The following FSHR variants were observed in gnomAD, a reference collection of about 807,000 sequenced individuals.
FSHR encodes the protein follicle stimulating hormone receptor.
In FSHR, 46 loss-of-function variants were observed where a neutral mutation model predicts 52.1. That is an observed-to-expected ratio of 0.88 (90% CI 0.70 to 1.13). FSHR has a LOEUF of 1.13. FSHR is among the 50% of genes most tolerant of loss of function. The pLI is 0.00. For synonymous variants in FSHR, 399 were observed against 309.6 expected (o/e 1.29, Z -3.03); for missense variants, 964 against 834.6 (o/e 1.16, Z -1.91).
intron 2 of FSHR, among the ~76,000 whole-genome samples, chr2:49,053,565 T>C (rs1332685451): frequency 1.3e-5 from 2 of 152,146 alleles, no homozygotes; most frequent in East Asian, 3.8e-4. Flanking sequence ...ATTTCTTTTT[T>C]CCCCCCACAA....
chr2:48,979,923 C>G (rs921787422), intron 8 of FSHR, among the ~76,000 whole-genome samples: 1 of 152,198 alleles, frequency 6.6e-6, no homozygotes, highest in Non-Finnish European at 1.5e-5. Flanking sequence ...TACTCCTACT[C>G]TTACCTCTTA....
chr2:49,149,327 C>A (rs1672979831), intron 1 of FSHR, among the ~76,000 whole-genome samples: 1 of 152,012 alleles, frequency 6.6e-6, no homozygotes, highest in Admixed American at 6.6e-5. Flanking sequence ...CATGAGAACA[C>A]AGCACACTTT....
intron 4 of FSHR, among the ~76,000 whole-genome samples, chr2:49,011,477 G>T (rs1559133124): frequency 1.3e-5 from 2 of 152,082 alleles, no homozygotes; most frequent in African/African-American, 2.4e-5. Context: ...AATAGGTGTG[G>T]TGTGGTGCTG....
At position 48,962,758 on chromosome 2, in the gene FSHR, G is replaced by A. The variant is rs1440241703; in HGVS notation, c.2063C>T (p.Pro688Leu). ...VTSGSTYILV[P>L]LSHLAQN is the part of the protein sequence containing the mutation. ...TTAGTTTTGGGCTAAATGACTTAGA[G>A]GGACAAGTATGTAAGTGGAACCACT... The change falls in exon 10 of 10, where the codon CCT (proline) becomes CTT (leucine). Residue 688 changes from proline to leucine, a missense_variant. Transcript: ENST00000406846. 1 of 1,613,888 alleles carries A rather than the reference G, an allele frequency of 6.2e-7. No individual in the cohort carries two copies. Among genetic ancestry groups the A allele is most frequent in the Admixed American group, 1.7e-5 (1 of 60,002 alleles).
At chr2:48,965,981 T>C (rs979946268) in intron 9 of FSHR, among the ~76,000 whole-genome samples, 1 of 152,176 alleles carries the variant, frequency 6.6e-6, no homozygotes, top group Non-Finnish European at 1.5e-5. Flanking sequence ...AGTGAACAGA[T>C]GCTTGGGGGT....
In FSHR at chr2:49,074,750, A is replaced by G. The variant is rs190038112; in HGVS notation, c.153-6460T>C. ...ATGTTTTTATTGCAGCACTACTCCA[A>G]TAGCTAAGGTATGGAATCAACCTAG... On this transcript the variant is annotated intron_variant, in intron 1 of 9. Coordinates refer to ENST00000406846, the MANE Select transcript of FSHR (RefSeq NM_000145.4). Among the ~76,000 whole-genome samples, 11 of 151,706 alleles carry G rather than the reference A, an allele frequency of 7.3e-5. No homozygotes were observed. The East Asian group carries it at 1.9e-3, about 27-fold the overall frequency.
intron 2 of FSHR, among the ~76,000 whole-genome samples, chr2:49,033,947 A>G (rs1403544266): frequency 6.6e-6 from 1 of 152,198 alleles, no homozygotes; most frequent in East Asian, 1.9e-4. Context: ...CAGGCTGGAT[A>G]TCAATGGGCT....
At chr2:48,993,397 GCTT>G (rs1315050221) in intron 4 of FSHR, among the ~76,000 whole-genome samples, 1 of 152,020 alleles carries the variant, frequency 6.6e-6, no homozygotes, top group Non-Finnish European at 1.5e-5. Context: ...AGTTGGCTTG[GCTT>G]CTTCTTTCTC....
rs1404003524 is a variant in FSHR, at chr2:48,962,674, C to A, written c.*59G>T. The A allele has an allele frequency of 2.0e-6, 3 of 1,525,950 alleles. No homozygotes were observed. Among genetic ancestry groups the A allele is most frequent in the African/African-American group, 2.7e-5 (2 of 73,056 alleles). 94.5% of individuals were successfully genotyped at this position (1,525,950 alleles called of 1,614,324 possible). A position where few individuals can be genotyped will look rare whatever the true frequency, so the allele number is the denominator to read the frequency against. ...AGCACTGTCAGCTCTTTGTGACATACCCTTCAAAGGCAAGACTGAATTATC... is the reference window on the plus strand; with the variant it reads ...AGCACTGTCAGCTCTTTGTGACATAACCTTCAAAGGCAAGACTGAATTATC... On this transcript the variant is annotated 3_prime_UTR_variant, in exon 10 of 10. Coordinates refer to ENST00000406846, the MANE Select transcript of FSHR (RefSeq NM_000145.4).
chr2:48,970,235 C>T (rs1048771198), intron 8 of FSHR, among the ~76,000 whole-genome samples: 7 of 152,110 alleles, frequency 4.6e-5, no homozygotes, highest in African/African-American at 1.4e-4. Flanking sequence ...GAAACCCATC[C>T]CTAACTACTG....
chr2:49,088,827 T>G (rs868269161), intron 1 of FSHR, among the ~76,000 whole-genome samples: 1 of 146,604 alleles, frequency 6.8e-6, no homozygotes. Flanking sequence ...GGAAAGCTGA[T>G]CACTACTCCA....
intron 2 of FSHR, among the ~76,000 whole-genome samples, chr2:49,052,688 T>G (rs1314257313): frequency 6.6e-6 from 1 of 152,152 alleles, no homozygotes; most frequent in Non-Finnish European, 1.5e-5. Context: ...GGCCTTTCAT[T>G]TTTCACCAGG....
At chr2:49,092,792 A>G (rs57984666) in intron 1 of FSHR, among the ~76,000 whole-genome samples, 9,641 of 152,008 alleles carry the variant, frequency 0.063, 570 homozygotes, top group East Asian at 0.24. Context: ...CAGCCTCCCA[A>G]ATAGCTGGGA....
At chr2:49,095,240 A>G (rs1235603635) in intron 1 of FSHR, among the ~76,000 whole-genome samples, 1 of 152,184 alleles carries the variant, frequency 6.6e-6, no homozygotes, top group Admixed American at 6.5e-5. Flanking sequence ...CTACAGAGCT[A>G]CAGTAATAAG....
rs540437133 is a variant in FSHR at position 49,120,611 on chromosome 2, T to C, written c.152+33655A>G. Among the ~76,000 whole-genome samples, 3 of 152,296 alleles carry C rather than the reference T, an allele frequency of 2.0e-5. No homozygotes were observed. The South Asian group carries it at 6.2e-4, about 32-fold the overall frequency. On this transcript the variant is annotated intron_variant, in intron 1 of 9. Transcript: ENST00000406846. ...AGCAATCTCTAGAATCAAGAGATAT[T>C]GTGCTCTAGTTGAAATAGGGCAGAC...
At chr2:49,143,521 G>A (rs1330682814) in intron 1 of FSHR, among the ~76,000 whole-genome samples, 2 of 152,146 alleles carry the variant, frequency 1.3e-5, no homozygotes, top group African/African-American at 2.4e-5. Flanking sequence ...TTGAGTGGGT[G>A]AATAATGAAT....
At chr2:49,037,494 A>C (rs1186123120) in intron 2 of FSHR, among the ~76,000 whole-genome samples, 2 of 152,228 alleles carry the variant, frequency 1.3e-5, no homozygotes, top group Non-Finnish European at 2.9e-5. Flanking sequence ...GAGGATTTTT[A>C]AGAAGCTGCA....
intron 1 of FSHR, among the ~76,000 whole-genome samples, chr2:49,087,000 T>A (rs1670418959): frequency 6.6e-6 from 1 of 151,402 alleles, no homozygotes; most frequent in African/African-American, 2.4e-5. Flanking sequence ...GAACACCTGC[T>A]TTAGTAGAAT....
intron 8 of FSHR, among the ~76,000 whole-genome samples, chr2:48,976,971 G>A (rs1347114037): frequency 6.6e-6 from 1 of 152,016 alleles, no homozygotes; most frequent in Non-Finnish European, 1.5e-5. Context: ...GGTTTTTCGT[G>A]TCTCTGTCTC....
Sources: allele counts gnomAD v4.1 joint callset (sites outside exome capture counted in the v4.1 genomes callset), GRCh38; gene constraint gnomAD v4.1.1; transcripts MANE v1.5; gene names NCBI Gene and HGNC (gene_info 2026-07-23, HGNC 2026-07-21).